Variants in CDC14A observed in about 807,000 individuals in gnomAD.
CDC14A encodes dual specificity protein phosphatase CDC14A.
Under a neutral mutation model 74.4 loss-of-function variants are expected in CDC14A, and 53 were observed. That is an observed-to-expected ratio of 0.71 (90% CI 0.57 to 0.89). CDC14A has a LOEUF of 0.89. CDC14A is among the 40% of genes least tolerant of loss of function. CDC14A has a pLI of 0.00. For missense variants in CDC14A, 646 were observed against 713.7 expected, an observed-to-expected ratio of 0.91 and a Z score of 1.08; for synonymous variants, 247 against 258.4, an observed-to-expected ratio of 0.96 and a Z score of 0.43.
At position 100,496,003 on chromosome 1, in the gene CDC14A, T is replaced by G; in HGVS notation, c.1252T>G (p.Ser418Ala). ...AGCATCTGTCTTTGATTTCCGCAGG[T>G]CAGATGATACAAAAGGACATCCAAG... ...PRTSPSCAFRSDDTKGHPRAV... is the reference protein window; with the variant it reads ...PRTSPSCAFRADDTKGHPRAV... The change falls in exon 13 of 16, where the codon TCA (serine) becomes GCA (alanine). Residue 418 changes from serine (S) to alanine (A), a missense_variant and splice_region_variant. Physicochemically the swap from Ser to Ala is moderately conservative, Grantham distance 99. Transcript: ENST00000336454. The G allele has an allele frequency of 6.2e-7, 1 of 1,613,710 alleles. No homozygotes were observed. The highest frequency in any genetic ancestry group is 8.5e-7 in the Non-Finnish European group (1 of 1,179,652).
upstream of CDC14A, chr1:100,351,574 T>C: frequency 1.6e-6 from 1 of 614,504 alleles, no homozygotes; most frequent in Non-Finnish European, 2.9e-6. Flanking sequence ...AGAAATTCCT[T>C]TGTGTTAACC....
intron 3 of CDC14A, among the ~76,000 whole-genome samples, chr1:100,389,462 A>AAT (rs1553173938): frequency 0.012 from 1,730 of 149,802 alleles, 34 homozygotes; most frequent in African/African-American, 0.04. Context: ...AAAAAAAAAA[A>AAT]ATATATATAT....
intron 2 of CDC14A, among the ~76,000 whole-genome samples, chr1:100,368,108 A>G (rs1049205897): frequency 2.0e-5 from 3 of 152,058 alleles, no homozygotes; most frequent in South Asian, 2.1e-4. Context: ...GTCTTCAAAC[A>G]TTTTATCTAT....
chr1:100,393,073 T>C lies in CDC14A; in HGVS notation c.309+2249T>C, dbSNP rs896279021. 6.0e-5 allele frequency: 86 copies of C among 1,425,930 alleles called. No individual in the cohort carries two copies. In the South Asian group the frequency reaches 9.4e-4, roughly 16 times the overall value. The allele number at this position is 1,425,930 out of a possible 1,614,324, so 88.3% of individuals were successfully genotyped here. A position where few individuals can be genotyped will look rare whatever the true frequency, so the allele number is the denominator to read the frequency against. On this transcript the variant is annotated intron_variant, in intron 4 of 15. Coordinates refer to ENST00000336454, the MANE Select transcript of CDC14A (RefSeq NM_003672.4). ...GATGTTTTCTTTGTTTGCCTTTCCA[T>C]GTTGCTGTTTAATTTGATAGATTTC...
At chr1:100,396,508 T>C (rs761406481) in intron 4 of CDC14A, among the ~76,000 whole-genome samples, 8 of 152,188 alleles carry the variant, frequency 5.3e-5, no homozygotes, top group Admixed American at 2.6e-4. Flanking sequence ...AGGTATAAAG[T>C]GGTGTCTTCC....
intron 6 of CDC14A, among the ~76,000 whole-genome samples, chr1:100,440,676 A>G (rs1161926467): frequency 6.6e-6 from 1 of 152,174 alleles, no homozygotes; most frequent in African/African-American, 2.4e-5. Context: ...ATATTACATA[A>G]CCTATTGATC....
At chr1:100,406,051 A>C (rs1183972521) in intron 4 of CDC14A, among the ~76,000 whole-genome samples, 1 of 151,856 alleles carries the variant, frequency 6.6e-6, no homozygotes, top group African/African-American at 2.4e-5. Context: ...TTGTTTTTTG[A>C]CTTTTTAGTA....
At position 100,463,150 on chromosome 1, in the gene CDC14A, C is replaced by T. The variant is rs7543497; in HGVS notation, c.838+269C>T. Among the ~76,000 whole-genome samples the T allele has an allele frequency of 0.057, 8,632 of 152,220 alleles. 839 individuals are homozygous for T. Among genetic ancestry groups the T allele is most frequent in the African/African-American group, 0.2 (8,180 of 41,484 alleles). ...GCCCACGTGCCACAATGAGGGGAAA[C>T]ACAGTAGCAGTGTCTTTAGGCTGCA... On this transcript the variant is annotated intron_variant, in intron 9 of 15. Coordinates refer to ENST00000336454, the MANE Select transcript of CDC14A (RefSeq NM_003672.4).
rs905447131 is a variant in CDC14A, at chr1:100,508,735, C to T, written c.1755+9473C>T. ...CCATGTGGGAGAGCCTGACTCCACCCCTGATTTCAGGCCAGGGGCTTTCGA... is the reference window on the plus strand; with the variant it reads ...CCATGTGGGAGAGCCTGACTCCACCTCTGATTTCAGGCCAGGGGCTTTCGA... On this transcript the variant is annotated intron_variant, in intron 15 of 15. Transcript: ENST00000336454. The surrounding 1 kb of genome is among the most constrained non-coding windows in gnomAD (Gnocchi z 4.4). Among the ~76,000 whole-genome samples the T allele has an allele frequency of 5.9e-5, 9 of 152,160 alleles. No homozygotes were observed. The highest frequency in any genetic ancestry group is 1.2e-4 in the Non-Finnish European group (8 of 68,028).
At chr1:100,413,565 T>C (rs1166147580) in intron 4 of CDC14A, among the ~76,000 whole-genome samples, 1 of 152,244 alleles carries the variant, frequency 6.6e-6, no homozygotes, top group East Asian at 1.9e-4. Context: ...TACCACCTTC[T>C]CTCTTCGAGG....
intron 5 of CDC14A, among the ~76,000 whole-genome samples, chr1:100,433,197 A>G (rs1663923817): frequency 2.6e-5 from 4 of 152,150 alleles, no homozygotes; most frequent in Admixed American, 2.0e-4. Flanking sequence ...CAAAAGGTCA[A>G]TAGTTCTTAG....
chr1:100,345,793 C>T (rs760545406), intron 1 of CDC14A, among the ~76,000 whole-genome samples: 1 of 152,062 alleles, frequency 6.6e-6, no homozygotes, highest in Non-Finnish European at 1.5e-5. Context: ...TAAATGAAAC[C>T]GAACTATTAA....
At chr1:100,444,618 G>A (rs1261834928) in intron 7 of CDC14A, among the ~76,000 whole-genome samples, 2 of 152,128 alleles carry the variant, frequency 1.3e-5, no homozygotes, top group Non-Finnish European at 2.9e-5. Flanking sequence ...CTTTTTCCCA[G>A]ATTCCCATCC....
chr1:100,412,700 A>ATATATATATATATATATATAT, intron 4 of CDC14A, among the ~76,000 whole-genome samples: 1 of 92,794 alleles, frequency 1.1e-5, no homozygotes, highest in Non-Finnish European at 1.8e-5. Flanking sequence ...TATGTTTTAT[A>ATATATATATATATATATATAT]TATATATATA....
intron 4 of CDC14A, among the ~76,000 whole-genome samples, chr1:100,421,894 A>G (rs1376354280): frequency 6.6e-6 from 1 of 152,222 alleles, no homozygotes; most frequent in African/African-American, 2.4e-5. Flanking sequence ...AAGATCTGGC[A>G]TAAGAATATG....
chr1:100,426,005 C>CA (rs1230973871), intron 5 of CDC14A, among the ~76,000 whole-genome samples: 1 of 152,204 alleles, frequency 6.6e-6, no homozygotes, highest in African/African-American at 2.4e-5. Flanking sequence ...AAAATGGCTT[C>CA]AGGTCTAAAC....
intron 14 of CDC14A, among the ~76,000 whole-genome samples, 165 bp downstream of exon 14, chr1:100,498,372 G>T (rs1648185608): frequency 6.6e-6 from 1 of 152,200 alleles, no homozygotes; most frequent in African/African-American, 2.4e-5. Flanking sequence ...TCTTGGGAAG[G>T]CAGGAGACAA....
At chr1:100,489,782 C>A (rs1341940472) in intron 11 of CDC14A, among the ~76,000 whole-genome samples, 1 of 152,080 alleles carries the variant, frequency 6.6e-6, no homozygotes, top group Non-Finnish European at 1.5e-5. Context: ...GAGGGTCTTC[C>A]CTGGACTAGG....
At chr1:100,448,347 A>G (rs1307974691) in intron 7 of CDC14A, among the ~76,000 whole-genome samples, 1 of 152,208 alleles carries the variant, frequency 6.6e-6, no homozygotes, top group East Asian at 1.9e-4. Flanking sequence ...ATTTTCCAGA[A>G]TATCAAGCTA....
Sources: allele counts gnomAD v4.1 joint callset (sites outside exome capture counted in the v4.1 genomes callset), GRCh38; gene constraint gnomAD v4.1.1; non-coding constraint Gnocchi (gnomAD v3.1); transcripts MANE v1.5; gene names NCBI Gene and HGNC (gene_info 2026-07-23, HGNC 2026-07-21).